ZNF600: variants seen among roughly 807,000 people sequenced by gnomAD.
ZNF600 encodes the protein zinc finger protein 600.
ZNF600 carries 4 observed loss-of-function variants against 7.3 expected under a neutral mutation model. That is an observed-to-expected ratio of 0.55 (90% CI 0.27 to 1.25). The LOEUF (loss-of-function observed/expected upper bound fraction) is 1.25. Ranked by LOEUF, ZNF600 falls within the 50% of genes most tolerant of loss-of-function variation. The pLI, the probability that ZNF600 is intolerant of heterozygous loss-of-function variation, is 0.12. For synonymous variants in ZNF600, 290 were observed against 308.9 expected (o/e 0.94, Z 0.64); for missense variants, 911 against 922.1 (o/e 0.99, Z 0.16).
At chr19:52,830,723 G>A in the ZNF600 span, among the ~76,000 whole-genome samples, 1 of 151,534 alleles carries the variant, frequency 6.6e-6, no homozygotes, top group Non-Finnish European at 1.5e-5. Context: ...GGGGCTCACG[G>A]GGAAATTGGG....
the ZNF600 span, among the ~76,000 whole-genome samples, chr19:52,804,392 G>A: frequency 6.6e-6 from 1 of 152,120 alleles, no homozygotes; most frequent in African/African-American, 2.4e-5. Context: ...TCCCTCCTCA[G>A]CCCAGTCTTA....
chr19:52,816,828 T>G, the ZNF600 span, among the ~76,000 whole-genome samples: 1 of 123,804 alleles, frequency 8.1e-6, no homozygotes, highest in East Asian at 2.2e-4. Flanking sequence ...AAGACTCCGT[T>G]TCAGAAAATA....
exon 4 of ZNF600, chr19:52,767,136 C>T: frequency 6.2e-7 from 1 of 1,614,134 alleles, no homozygotes; most frequent in Non-Finnish European, 8.5e-7. Context: ...TCTACAATGG[C>T]ATGTAAGGTA....
At chr19:52,830,199 C>T in the ZNF600 span, among the ~76,000 whole-genome samples, 62,414 of 151,840 alleles carry the variant, frequency 0.41, 15,414 homozygotes, top group Non-Finnish European at 0.57. Flanking sequence ...CTTGAACCTG[C>T]GGGCAGAGGC....
the ZNF600 span, among the ~76,000 whole-genome samples, chr19:52,802,619 G>A: frequency 6.6e-6 from 1 of 152,078 alleles, no homozygotes; most frequent in African/African-American, 2.4e-5. Context: ...AAAGATTGTG[G>A]TGAGTTGAGA....
At chr19:52,820,108 C>CTTTT in the ZNF600 span, among the ~76,000 whole-genome samples, 3 of 120,322 alleles carry the variant, frequency 2.5e-5, no homozygotes, top group Non-Finnish European at 5.0e-5. Flanking sequence ...TATTTAACCT[C>CTTTT]TTTTTTTTTT....
the ZNF600 span, among the ~76,000 whole-genome samples, chr19:52,822,825 C>G: frequency 6.6e-6 from 1 of 152,064 alleles, no homozygotes; most frequent in Non-Finnish European, 1.5e-5. Flanking sequence ...TGCTACAGTC[C>G]GACAGAAACT....
rs117738209 is a variant in ZNF600 at position 52,777,067 on chromosome 19, C to T, written c.63+1759G>A. ...CACTGATGCCTATCTCCACTTTCCA[C>T]TCCATCCCAAGTCATTAAAAGTGCA... On this transcript the variant is annotated intron_variant, in intron 2 of 3. Coordinates refer to ENST00000648973, the Ensembl canonical transcript of ZNF600. Among the ~76,000 whole-genome samples, 383 of 152,180 alleles carry T rather than the reference C, an allele frequency of 2.5e-3. 8 individuals are homozygous for T. The East Asian group carries it at 0.047, about 19-fold the overall frequency.
chr19:52,819,083 C>A, the ZNF600 span, among the ~76,000 whole-genome samples: 1 of 139,284 alleles, frequency 7.2e-6, no homozygotes, highest in Admixed American at 7.4e-5. Context: ...AGAACAGGGA[C>A]AACAACCTGA....
At chr19:52,807,888 C>T in the ZNF600 span, 4 of 1,492,972 alleles carry the variant, frequency 2.7e-6, no homozygotes, top group African/African-American at 4.2e-5. Flanking sequence ...CATCATGAAG[C>T]TTTTCATTTC....
chr19:52,765,031 T>C (rs1276406413), exon 4 of ZNF600: 2 of 273,832 alleles, frequency 7.3e-6, no homozygotes, highest in Non-Finnish European at 1.4e-5. Flanking sequence ...AAACCACACC[T>C]GGCCCAATCC....
chr19:52,809,457 T>TA, the ZNF600 span, among the ~76,000 whole-genome samples: 1 of 151,708 alleles, frequency 6.6e-6, no homozygotes, highest in Admixed American at 6.6e-5. Flanking sequence ...AAGAAGAAAA[T>TA]AGACACTGGC....
chr19:52,765,790 G>A (rs2062565991), exon 4 of ZNF600: 7 of 1,613,794 alleles, frequency 4.3e-6, no homozygotes, highest in Admixed American at 1.7e-5. Flanking sequence ...ATTCTCCTAT[G>A]TCTTTTAAGG....
chr19:52,830,410 T>C, the ZNF600 span, among the ~76,000 whole-genome samples: 8 of 152,032 alleles, frequency 5.3e-5, no homozygotes, highest in African/African-American at 1.9e-4. Context: ...ACAAACTTGA[T>C]CCTGGGCCTG....
At chr19:52,789,147 A>G (rs2062785432), upstream of ZNF600, among the ~76,000 whole-genome samples, 1 of 152,212 alleles carries the variant, frequency 6.6e-6, no homozygotes, top group Non-Finnish European at 1.5e-5. Flanking sequence ...TGTCAGAACA[A>G]AGACTTAGGG....
At chr19:52,812,246 C>T in the ZNF600 span, among the ~76,000 whole-genome samples, 686 of 137,640 alleles carry the variant, frequency 5.0e-3, 50 homozygotes, top group Non-Finnish European at 6.3e-3. Context: ...TGCCCGGCCA[C>T]GACCCCGTCT....
At chr19:52,788,115 TC>T (rs142200574), upstream of ZNF600, among the ~76,000 whole-genome samples, 12,225 of 152,204 alleles carry the variant, frequency 0.08, 640 homozygotes, top group Non-Finnish European at 0.12. Flanking sequence ...TGTGAGCCCT[TC>T]CCAGGACCAT....
chr19:52,820,108 C>CTTTTT, the ZNF600 span, among the ~76,000 whole-genome samples: 2 of 120,322 alleles, frequency 1.7e-5, no homozygotes, highest in Admixed American at 8.4e-5. Context: ...TATTTAACCT[C>CTTTTT]TTTTTTTTTT....
chr19:52,830,140 G>A, the ZNF600 span, among the ~76,000 whole-genome samples: 1 of 152,018 alleles, frequency 6.6e-6, no homozygotes, highest in Non-Finnish European at 1.5e-5. Context: ...GGGTGTGTTG[G>A]TGCATGCCTG....
Sources: allele counts gnomAD v4.1 joint callset (sites outside exome capture counted in the v4.1 genomes callset), GRCh38; gene constraint gnomAD v4.1.1; transcripts MANE v1.5; gene names NCBI Gene and HGNC (gene_info 2026-07-23, HGNC 2026-07-21).